Variants in AKAP13 observed in about 807,000 individuals in gnomAD.
The protein encoded by AKAP13 is A-kinase anchor protein 13.
A neutral mutation model predicts 264.5 loss-of-function variants in AKAP13; 80 were observed. That is an observed-to-expected ratio of 0.30 (90% CI 0.25 to 0.36). AKAP13 has a LOEUF of 0.36. Ranked by LOEUF, AKAP13 falls within the 10% of genes least tolerant of loss-of-function variation. The pLI is 1.00. For synonymous variants in AKAP13, 1,380 were observed against 1,250.2 expected (o/e 1.10, Z -2.19); for missense variants, 3,712 against 3,435.2 (o/e 1.08, Z -2.01).
In AKAP13 at chr15:85,749,161, C is replaced by G. The variant is rs894220370; in HGVS notation, c.*4484C>G. On this transcript the variant is annotated 3_prime_UTR_variant, in exon 37 of 37. Transcript: ENST00000394518. ...AAAAAGACGGGTTAAAACCCAGATG[C>G]TGTATATTCATTTGTAATTATGTAT... is the stretch of plus-strand genomic sequence containing the variant. 6.6e-6 allele frequency: 1 copy of G among 152,222 alleles called. No individual in the cohort carries two copies. Among genetic ancestry groups the G allele is most frequent in the Non-Finnish European group, 1.5e-5 (1 of 68,046 alleles). 9.4% of individuals were successfully genotyped at this position (152,222 alleles called of 1,614,324 possible). A position where few individuals can be genotyped will look rare whatever the true frequency, so the allele number is the denominator to read the frequency against.
intron 14 of AKAP13, among the ~76,000 whole-genome samples, chr15:85,678,976 A>G (rs2084419920): frequency 6.6e-6 from 1 of 152,046 alleles, no homozygotes; most frequent in Non-Finnish European, 1.5e-5. Context: ...ACAGTGGCTC[A>G]TGCCTGTAAT....
At chr15:85,516,883 A>G (rs1162074081) in intron 2 of AKAP13, among the ~76,000 whole-genome samples, 1 of 152,254 alleles carries the variant, frequency 6.6e-6, no homozygotes, top group Non-Finnish European at 1.5e-5. Flanking sequence ...TCTGGATACA[A>G]TAGATACAAA....
At chr15:85,607,626 C>T (rs1335935148) in intron 8 of AKAP13, among the ~76,000 whole-genome samples, 1 of 152,172 alleles carries the variant, frequency 6.6e-6, no homozygotes, top group Non-Finnish European at 1.5e-5. Flanking sequence ...TTTGTCCCTT[C>T]ATTTCCTTTG....
intron 5 of AKAP13, among the ~76,000 whole-genome samples, chr15:85,561,051 A>ATT (rs11311086): frequency 4.6e-5 from 5 of 109,484 alleles, no homozygotes; most frequent in Non-Finnish European, 7.2e-5. Context: ...GGATGTAAGG[A>ATT]TTTTTTTTTT....
At chr15:85,468,264 T>G (rs1029198733) in intron 1 of AKAP13, among the ~76,000 whole-genome samples, 2 of 152,180 alleles carry the variant, frequency 1.3e-5, no homozygotes, top group African/African-American at 4.8e-5. Flanking sequence ...TATACTGTCT[T>G]ATGGTTGATG....
chr15:85,697,341 T>C (rs571775419), intron 17 of AKAP13, among the ~76,000 whole-genome samples: 4 of 152,072 alleles, frequency 2.6e-5, no homozygotes, highest in Non-Finnish European at 5.9e-5. Flanking sequence ...GAGGCTGAGG[T>C]GGGTGGATCA....
intron 1 of AKAP13, among the ~76,000 whole-genome samples, chr15:85,449,085 A>G (rs1290649761): frequency 6.6e-6 from 1 of 151,950 alleles, no homozygotes; most frequent in Admixed American, 6.6e-5. Context: ...TTTGAGCAGT[A>G]TTTTATAATT....
At chr15:85,658,842 A>G (rs1308585255) in intron 12 of AKAP13, among the ~76,000 whole-genome samples, 2 of 151,938 alleles carry the variant, frequency 1.3e-5, no homozygotes, top group Non-Finnish European at 2.9e-5. Context: ...TCTTGTGCTT[A>G]TTGTTGTTCA....
At chr15:85,689,338 T>G (rs1342236615) in intron 16 of AKAP13, among the ~76,000 whole-genome samples, 1 of 152,256 alleles carries the variant, frequency 6.6e-6, no homozygotes, top group Non-Finnish European at 1.5e-5. Context: ...CTTCTTTGAT[T>G]AAAGATCTGT....
chr15:85,483,914 AC>A (rs1161142932), intron 1 of AKAP13, among the ~76,000 whole-genome samples: 1 of 152,218 alleles, frequency 6.6e-6, no homozygotes, highest in African/African-American at 2.4e-5. Flanking sequence ...GTGGCGCAAC[AC>A]AATTCTTCTT....
chr15:85,465,369 ACT>A (rs1491162219), intron 1 of AKAP13, among the ~76,000 whole-genome samples: 1 of 151,922 alleles, frequency 6.6e-6, no homozygotes, highest in Non-Finnish European at 1.5e-5. Context: ...TTATTATTAT[ACT>A]TTAAGTTTTA....
intron 8 of AKAP13, among the ~76,000 whole-genome samples, chr15:85,620,349 A>T (rs1233638017): frequency 6.6e-6 from 1 of 152,202 alleles, no homozygotes; most frequent in African/African-American, 2.4e-5. Flanking sequence ...AGGAAGCAAT[A>T]GGTGCTTGGT....
At chr15:85,682,036 C>G (rs2151603800) in intron 14 of AKAP13, 122 bp from the exon 15 acceptor site, 1 of 832,048 alleles carries the variant, frequency 1.2e-6, no homozygotes, top group East Asian at 2.6e-5. Context: ...GGAGGAGGTA[C>G]CATGTGCTGA....
chr15:85,381,368 A>G (rs1345794421), intron 1 of AKAP13, among the ~76,000 whole-genome samples: 1 of 151,580 alleles, frequency 6.6e-6, no homozygotes, highest in African/African-American at 2.4e-5. Context: ...GGTGCGGCCC[A>G]GCTGACCCGC....
intron 1 of AKAP13, among the ~76,000 whole-genome samples, chr15:85,440,302 T>C (rs988178924): frequency 6.6e-6 from 1 of 152,248 alleles, no homozygotes; most frequent in African/African-American, 2.4e-5. Flanking sequence ...TATAGCTCTG[T>C]TTCTGTCAGG....
At chr15:85,608,897 A>G (rs1030630438) in intron 8 of AKAP13, among the ~76,000 whole-genome samples, 9 of 152,218 alleles carry the variant, frequency 5.9e-5, no homozygotes, top group African/African-American at 9.6e-5. Flanking sequence ...AGCCTAAGTC[A>G]TATCACTTCT....
rs370607317 is a variant in AKAP13 at position 85,645,854 on chromosome 15, A to G, written c.4274A>G (p.Glu1425Gly). Residue 1425 changes from glutamate to glycine, a missense_variant, in exon 10 of 37, where the codon GAG becomes GGG. Transcript: ENST00000394518. Reference sequence around the variant, plus strand: ...TTCCTGGATGTTGGACTGGGCAGAGAGTGTACCTCAAAACAAGGTGTACTT... The same window carrying G: ...TTCCTGGATGTTGGACTGGGCAGAGGGTGTACCTCAAAACAAGGTGTACTT... ...ENFLDVGLGR[E>G]CTSKQGVLKR... 120 of 1,612,254 alleles carry G rather than the reference A, an allele frequency of 7.4e-5. No homozygotes were observed. Among genetic ancestry groups the G allele is most frequent in the Non-Finnish European group, 9.5e-5 (112 of 1,179,824 alleles).
At chr15:85,734,343 T>C (rs1337309959) in intron 30 of AKAP13, among the ~76,000 whole-genome samples, 2 of 152,256 alleles carry the variant, frequency 1.3e-5, no homozygotes, top group Non-Finnish European at 2.9e-5. Context: ...CAGATAGCTT[T>C]TCTCACACCA....
intron 13 of AKAP13, among the ~76,000 whole-genome samples, chr15:85,668,972 T>C (rs868344376): frequency 1.9e-4 from 29 of 152,104 alleles, no homozygotes; most frequent in Admixed American, 1.3e-4. Context: ...GTGCGGTGAC[T>C]CACGCCTGTA....
Sources: gnomAD v4.1 joint callset for allele counts (sites outside exome capture counted in the v4.1 genomes callset) on GRCh38, gnomAD v4.1.1 for gene constraint, MANE v1.5 for transcripts, NCBI Gene and HGNC (gene_info 2026-07-23, HGNC 2026-07-21) for gene names.